Variants in AKR1E2 observed in about 807,000 individuals in gnomAD.
The protein encoded by AKR1E2 is 1,5-anhydro-D-fructose reductase.
Under a neutral mutation model 41.9 loss-of-function variants are expected in AKR1E2, and 43 were observed. The ratio of observed to expected loss-of-function variants is 1.03; its 90% CI spans 0.80 to 1.32. The LOEUF is 1.32. Ranked by LOEUF, AKR1E2 falls within the 40% of genes most tolerant of loss-of-function variation. AKR1E2 has a pLI of 0.00. For missense variants in AKR1E2, 423 were observed against 396.5 expected, an observed-to-expected ratio of 1.07 and a Z score of -0.57; for synonymous variants, 121 against 138.9, an observed-to-expected ratio of 0.87 and a Z score of 0.91.
chr10:4,841,729 A>G (rs1190859954), intron 6 of AKR1E2, 56 bp from the exon 7 acceptor site: 2 of 1,289,994 alleles, frequency 1.6e-6, no homozygotes. Flanking sequence ...CTTTCTAAAG[A>G]AAGGGGCATC....
At chr10:4,840,604 A>T (rs1019874365) in intron 6 of AKR1E2, among the ~76,000 whole-genome samples, 1 of 152,126 alleles carries the variant, frequency 6.6e-6, no homozygotes, top group Non-Finnish European at 1.5e-5. Context: ...CTCTGGCCTC[A>T]TTCCTTCCCA....
intron 6 of AKR1E2, 129 bp from the exon 7 acceptor site, chr10:4,841,656 T>G: frequency 1.6e-6 from 1 of 639,088 alleles, no homozygotes; most frequent in Non-Finnish European, 2.5e-6. Flanking sequence ...ATTTTAAAAT[T>G]TCCTGTAGTC....
At chr10:4,867,267 T>G in the AKR1E2 span, among the ~76,000 whole-genome samples, 1 of 152,192 alleles carries the variant, frequency 6.6e-6, no homozygotes, top group Non-Finnish European at 1.5e-5. Context: ...GATACTGATA[T>G]TGATATTGTC....
chr10:4,865,573 A>G, the AKR1E2 span, among the ~76,000 whole-genome samples: 4 of 152,200 alleles, frequency 2.6e-5, no homozygotes, highest in African/African-American at 9.7e-5. Flanking sequence ...CTGACAATGA[A>G]TTTCCCTTTT....
At chr10:4,872,897 G>A in the AKR1E2 span, among the ~76,000 whole-genome samples, 1 of 152,182 alleles carries the variant, frequency 6.6e-6, no homozygotes, top group African/African-American at 2.4e-5. Flanking sequence ...GCATCATCGA[G>A]TGATATATGA....
the AKR1E2 span, among the ~76,000 whole-genome samples, chr10:4,862,651 C>G: frequency 1.3e-5 from 2 of 152,086 alleles, no homozygotes; most frequent in Non-Finnish European, 2.9e-5. Context: ...CTTCACATCC[C>G]TTGTAAGCTG....
the AKR1E2 span, among the ~76,000 whole-genome samples, chr10:4,861,276 A>T: frequency 2.0e-4 from 30 of 151,782 alleles, no homozygotes; most frequent in African/African-American, 5.8e-4. Flanking sequence ...TTATTTAATT[A>T]AAAAAACTCT....
intron 8 of AKR1E2, among the ~76,000 whole-genome samples, chr10:4,844,342 A>G (rs1218551524): frequency 1.3e-5 from 2 of 152,060 alleles, no homozygotes; most frequent in Non-Finnish European, 2.9e-5. Flanking sequence ...CTTTGCGGTG[A>G]GTGTTACAGC....
At chr10:4,842,824 C>T (rs944046089) in intron 8 of AKR1E2, among the ~76,000 whole-genome samples, 2 of 152,166 alleles carry the variant, frequency 1.3e-5, no homozygotes, top group Admixed American at 1.3e-4. Flanking sequence ...GCTGCGCTCG[C>T]CCACAGGGGA....
At chr10:4,842,379 G>T (rs1296417274) in intron 7 of AKR1E2, 42 bp from the exon 8 acceptor site, 1 of 1,565,516 alleles carries the variant, frequency 6.4e-7, no homozygotes, top group African/African-American at 1.4e-5. Context: ...GACTACATGG[G>T]ATTTCCCTTT....
chr10:4,844,222 G>A (rs746403993), intron 8 of AKR1E2, among the ~76,000 whole-genome samples: 1 of 152,136 alleles, frequency 6.6e-6, no homozygotes, highest in Non-Finnish European at 1.5e-5. Context: ...AGGAGTGAAG[G>A]TGAGGACCTT....
chr10:4,837,329 G>A, intron 4 of AKR1E2, 130 bp from the exon 5 acceptor site: 3 of 1,333,306 alleles, frequency 2.3e-6, no homozygotes, highest in Non-Finnish European at 3.0e-6. Context: ...TGCTTTTGAA[G>A]CTTCAAGTAA....
chr10:4,842,193 G>A (rs887156952), intron 7 of AKR1E2, among the ~76,000 whole-genome samples: 2 of 152,158 alleles, frequency 1.3e-5, no homozygotes, highest in African/African-American at 4.8e-5. Context: ...GTGGGGGGCT[G>A]GGCGCATGTT....
the AKR1E2 span, among the ~76,000 whole-genome samples, chr10:4,872,459 T>A: frequency 2.6e-5 from 4 of 152,176 alleles, no homozygotes; most frequent in Non-Finnish European, 5.9e-5. Flanking sequence ...GTCACTTCAA[T>A]GGGGTAGTTC....
chr10:4,864,064 C>G, the AKR1E2 span, among the ~76,000 whole-genome samples: 1 of 152,160 alleles, frequency 6.6e-6, no homozygotes, highest in Non-Finnish European at 1.5e-5. Context: ...CCTTCTGAAA[C>G]TATTCCAATC....
chr10:4,866,686 GC>G, the AKR1E2 span, among the ~76,000 whole-genome samples: 1 of 148,792 alleles, frequency 6.7e-6, no homozygotes. Flanking sequence ...TGTCGCCCAG[GC>G]TGGAGTGCAG....
Position 4,847,577 on chromosome 10 carries a change from C to A in AKR1E2, c.*47C>A. ...TCTGCTCAGCCCAGATGCACAGACA[C>A]TATTGGCAATGTTGACCCTCCTCTG... On this transcript the variant is annotated 3_prime_UTR_variant, in exon 10 of 10. Coordinates refer to ENST00000298375, the MANE Select transcript of AKR1E2 (RefSeq NM_001040177.3). The A allele has an allele frequency of 6.3e-7, 1 of 1,598,390 alleles. No homozygotes were observed. Among genetic ancestry groups the A allele is most frequent in the Non-Finnish European group, 8.6e-7 (1 of 1,168,338 alleles).
chr10:4,843,058 T>G (rs1004519588), intron 8 of AKR1E2, among the ~76,000 whole-genome samples: 3 of 152,180 alleles, frequency 2.0e-5, no homozygotes, highest in African/African-American at 7.2e-5. Context: ...GCGGTCCTTT[T>G]CAGGGCAATC....
At chr10:4,852,062 T>C (rs1199725123), downstream of AKR1E2, among the ~76,000 whole-genome samples, 2 of 152,092 alleles carry the variant, frequency 1.3e-5, no homozygotes, top group Non-Finnish European at 2.9e-5. Context: ...AGTATTTGGA[T>C]GAAAGAAACA....
Sources: allele counts gnomAD v4.1 joint callset (sites outside exome capture counted in the v4.1 genomes callset), GRCh38; gene constraint gnomAD v4.1.1; transcripts MANE v1.5; gene names NCBI Gene and HGNC (gene_info 2026-07-23, HGNC 2026-07-21).